The following BOC variants were observed in gnomAD, a reference collection of about 807,000 sequenced individuals.
BOC encodes the protein BOC cell adhesion associated, oncogene regulated.
BOC carries 76 observed loss-of-function variants against 112.0 expected under a neutral mutation model. That is an observed-to-expected ratio of 0.68 (90% CI 0.56 to 0.82). The LOEUF (loss-of-function observed/expected upper bound fraction) is 0.82, where lower values mean the gene tolerates loss of function less well. BOC is among the 40% of genes least tolerant of loss of function. BOC has a pLI of 0.00. For synonymous variants in BOC, 580 were observed against 599.8 expected, an observed-to-expected ratio of 0.97 and a Z score of 0.48; for missense variants, 1,309 against 1,511.7, an observed-to-expected ratio of 0.87 and a Z score of 2.22.
chr3:113,279,960 C>T lies in BOC; in HGVS notation c.2160C>T (p.Thr720=). Residue 720 remains threonine, a synonymous_variant, in exon 13 of 20, where the codon ACC becomes ACT. Transcript: ENST00000682979. ...YERPVAGPYI[T]FTDAVNETTI... ...GGCCCGTGGCAGGTCCTTATATCAC[C>T]TTCACGGATGCGGTCAATGAGACCA... 2 of 1,613,580 alleles carry T rather than the reference C, an allele frequency of 1.2e-6. No homozygotes were observed. The highest frequency in any genetic ancestry group is 1.7e-6 in the Non-Finnish European group (2 of 1,179,778).
Position 113,279,337 on chromosome 3 carries a change from C to T in BOC, c.1905C>T (p.Phe635=). 1 of 1,614,206 alleles carries T rather than the reference C, an allele frequency of 6.2e-7. No homozygotes were observed. Among genetic ancestry groups the T allele is most frequent in the South Asian group, 1.1e-5 (1 of 91,082 alleles). The change falls in exon 12 of 20, where the codon TTC becomes TTT. Residue 635 remains phenylalanine, a synonymous_variant. Transcript: ENST00000682979. ...GGATTCCCCGTGGGAATGGTGGGTT[C>T]CCAATCCAGTCCTTCCGTGTGGAGT... ...VTWIPRGNGG[F]PIQSFRVEYK... is the part of the protein sequence containing the mutation.
Position 113,280,613 on chromosome 3 carries a change from G to A in BOC, c.2261G>A (p.Arg754Gln), listed in dbSNP as rs772746871. 5.6e-6 allele frequency: 9 copies of A among 1,612,532 alleles called. No individual in the cohort carries two copies. Among genetic ancestry groups the A allele is most frequent in the Admixed American group, 1.7e-5 (1 of 59,996 alleles). ...ATCCATGGCTTTTATATCTATTATC[G>A]ACCCACAGACAGTGACAATGATAGT... ...TPIHGFYIYY[R>Q]PTDSDNDSDY... The change falls in exon 14 of 20, where the codon CGA becomes CAA. Residue 754 changes from arginine (R) to glutamine (Q), a missense_variant. Physicochemically the swap from Arg to Gln is conservative, Grantham distance 43. Coordinates refer to ENST00000682979, the MANE Select transcript of BOC (RefSeq NM_001378074.1).
chr3:113,237,200 G>A (rs567064785), intron 2 of BOC, among the ~76,000 whole-genome samples: 4 of 152,286 alleles, frequency 2.6e-5, no homozygotes, highest in Admixed American at 1.3e-4. Flanking sequence ...CTCTCTGGGT[G>A]GTAAAGATTA....
chr3:113,278,841 C>A lies in BOC; in HGVS notation c.1816+58C>A. On this transcript the variant is annotated intron_variant, in intron 11 of 19. Transcript: ENST00000682979. The surrounding 1 kb of genome is among the most constrained non-coding windows in gnomAD (Gnocchi z 4.2). ...TCAGGACTGGAACTGCCTCAGAGGC[C>A]TGTTCCCATGGCTGAATGGGGTCTT... is the stretch of plus-strand genomic sequence containing the variant. 6.9e-7 allele frequency: 1 copy of A among 1,446,642 alleles called. No individual in the cohort carries two copies. The highest frequency in any genetic ancestry group is 9.5e-7 in the Non-Finnish European group (1 of 1,053,932). 89.6% of individuals were successfully genotyped at this position (1,446,642 alleles called of 1,614,324 possible). A position where few individuals can be genotyped will look rare whatever the true frequency, so the allele number is the denominator to read the frequency against.
At chr3:113,270,248 GC>G (rs35376901) in intron 5 of BOC, 31,582 of 152,292 alleles carry the variant, frequency 0.21, 3,657 homozygotes, top group African/African-American at 0.32. Context: ...ATGATGGGAA[GC>G]TCCAAAATCA....
chr3:113,239,412 TAGG>T (rs1944000856), intron 2 of BOC, among the ~76,000 whole-genome samples: 1 of 152,144 alleles, frequency 6.6e-6, no homozygotes, highest in Non-Finnish European at 1.5e-5. Context: ...TTAGGGAAGA[TAGG>T]AGAGTAGACA....
At chr3:113,255,813 TC>T (rs1228839014) in intron 4 of BOC, among the ~76,000 whole-genome samples, 3 of 152,174 alleles carry the variant, frequency 2.0e-5, no homozygotes, top group African/African-American at 7.2e-5. Flanking sequence ...TGAGAAAATG[TC>T]CAAAGTGACC....
At position 113,287,141 on chromosome 3, in the gene BOC, C is replaced by A; in HGVS notation, c.*279C>A. 1 of 456,752 alleles carries A rather than the reference C, an allele frequency of 2.2e-6. No homozygotes were observed. The highest frequency in any genetic ancestry group is 1.7e-5 in the South Asian group (1 of 59,614). The allele number at this position is 456,752 out of a possible 1,614,324, so 28.3% of individuals were successfully genotyped here. A position where few individuals can be genotyped will look rare whatever the true frequency, so the allele number is the denominator to read the frequency against. ...CGCGGGACAGACTCCTAACCTGGGG[C>A]CTCTGCAGTGGCAGGCGAGGCTGCA... is the stretch of plus-strand genomic sequence containing the variant. On this transcript the variant is annotated 3_prime_UTR_variant, in exon 20 of 20. Coordinates refer to ENST00000682979, the MANE Select transcript of BOC (RefSeq NM_001378074.1).
chr3:113,234,621 C>T (rs1354748895), intron 2 of BOC, among the ~76,000 whole-genome samples: 3 of 152,196 alleles, frequency 2.0e-5, no homozygotes, highest in African/African-American at 4.8e-5. Context: ...TCTACATCCC[C>T]TAAGCCTTTT....
intron 2 of BOC, among the ~76,000 whole-genome samples, chr3:113,244,599 A>G (rs1164276856): frequency 6.6e-6 from 1 of 152,244 alleles, no homozygotes; most frequent in Non-Finnish European, 1.5e-5. Flanking sequence ...TCTTAGTCAC[A>G]TTAGCCACAT....
chr3:113,280,490 C>A (rs1949089798), intron 13 of BOC, 68 bp from the exon 14 acceptor site: 1 of 1,112,622 alleles, frequency 9.0e-7, no homozygotes, highest in Non-Finnish European at 1.4e-6. Context: ...CCTTCATACA[C>A]CAGTGGTTTT....
chr3:113,257,484 T>C (rs1043954767), intron 4 of BOC, among the ~76,000 whole-genome samples: 1 of 152,206 alleles, frequency 6.6e-6, no homozygotes, highest in African/African-American at 2.4e-5. Flanking sequence ...TGGGCTATCT[T>C]ATTAAGACTA....
chr3:113,219,247 G>A (rs1168112984), intron 2 of BOC, among the ~76,000 whole-genome samples: 3 of 152,214 alleles, frequency 2.0e-5, no homozygotes, highest in Admixed American at 1.3e-4. Flanking sequence ...GGGAATTAAC[G>A]GTGGACCTGG....
chr3:113,278,708 G>A lies in BOC; in HGVS notation c.1741G>A (p.Glu581Lys). Residue 581 changes from glutamate to lysine, a missense_variant, in exon 11 of 20, where the codon GAG becomes AAG. Physicochemically the swap from Glu to Lys is moderately conservative, Grantham distance 56. Transcript: ENST00000682979. The surrounding 1 kb of genome is among the most constrained non-coding windows in gnomAD (Gnocchi z 4.2). Reference protein sequence around the residue: ...RPKPEIMASKEQQIQRDDPGA... With the variant: ...RPKPEIMASKKQQIQRDDPGA... The stretch of plus-strand genomic sequence containing the variant: ...CAAACCCGAGATCATGGCCAGCAAA[G>A]AGCAGCAGATCCAGAGAGACGACCC... The A allele has an allele frequency of 6.4e-7, 1 of 1,571,228 alleles. No homozygotes were observed. Among genetic ancestry groups the A allele is most frequent in the Non-Finnish European group, 8.6e-7 (1 of 1,157,918 alleles).
At chr3:113,265,257 T>G (rs902251878) in intron 4 of BOC, among the ~76,000 whole-genome samples, 2 of 152,208 alleles carry the variant, frequency 1.3e-5, no homozygotes, top group African/African-American at 4.8e-5. Flanking sequence ...GCCAAACTCC[T>G]TTCAGTTCCT....
Position 113,279,341 on chromosome 3 carries a change from A to G in BOC, c.1909A>G (p.Ile637Val), listed in dbSNP as rs762582372. Residue 637 changes from isoleucine (I) to valine (V), a missense_variant, in exon 12 of 20, where the codon ATC becomes GTC. Ile to Val is a conservative substitution (Grantham distance 29, BLOSUM62 3). Coordinates refer to ENST00000682979, the MANE Select transcript of BOC (RefSeq NM_001378074.1). ...WIPRGNGGFP[I>V]QSFRVEYKKL... is the part of the protein sequence containing the mutation. ...TCCCCGTGGGAATGGTGGGTTCCCA[A>G]TCCAGTCCTTCCGTGTGGAGTACAA... The G allele has an allele frequency of 1.9e-5, 30 of 1,614,124 alleles. No individual in the cohort carries two copies. The highest frequency in any genetic ancestry group is 2.5e-5 in the Non-Finnish European group (30 of 1,180,022).
intron 4 of BOC, among the ~76,000 whole-genome samples, chr3:113,264,815 C>CG (rs1559859368): frequency 6.6e-6 from 1 of 151,922 alleles, no homozygotes; most frequent in African/African-American, 2.4e-5. Flanking sequence ...TTAGGAGGCA[C>CG]GGGGGGAGGG....
intron 7 of BOC, 63 bp from the exon 8 acceptor site, chr3:113,273,006 A>C: frequency 6.5e-7 from 1 of 1,544,628 alleles, no homozygotes; most frequent in Non-Finnish European, 8.8e-7. Flanking sequence ...CATCCCTCCC[A>C]GCCCATCTGG....
chr3:113,266,888 T>A (rs1947541908), intron 4 of BOC, among the ~76,000 whole-genome samples: 1 of 152,232 alleles, frequency 6.6e-6, no homozygotes. Context: ...GGAAGCCTCC[T>A]GACCTCACTG....
Sources: allele counts gnomAD v4.1 joint callset (sites outside exome capture counted in the v4.1 genomes callset), GRCh38; gene constraint gnomAD v4.1.1; non-coding constraint Gnocchi (gnomAD v3.1); transcripts MANE v1.5; gene names NCBI Gene and HGNC (gene_info 2026-07-23, HGNC 2026-07-21).